FXR2: variants seen among roughly 807,000 people sequenced by gnomAD.
The protein encoded by FXR2 is FMR1 autosomal homolog 2.
Under a neutral mutation model 87.3 loss-of-function variants are expected in FXR2, and 9 were observed. That is an observed-to-expected ratio of 0.10 (90% CI 0.06 to 0.18). The LOEUF (loss-of-function observed/expected upper bound fraction) is 0.18, where lower values mean the gene tolerates loss of function less well. FXR2 is among the 10% of genes least tolerant of loss of function. The pLI, the probability that FXR2 is intolerant of heterozygous loss-of-function variation, is 1.00. For missense variants in FXR2, 661 were observed against 893.6 expected, an observed-to-expected ratio of 0.74 and a Z score of 3.32; for synonymous variants, 331 against 328.3, an observed-to-expected ratio of 1.01 and a Z score of -0.09.
chr17:7,606,046 A>G, intron 2 of FXR2, 51 bp downstream of exon 2: 1 of 1,209,040 alleles, frequency 8.3e-7, no homozygotes, highest in Non-Finnish European at 1.2e-6. Context: ...CCTCTTCTCC[A>G]CTCTCCTTCT....
At chr17:7,613,238 C>T (rs1357429004) in intron 1 of FXR2, among the ~76,000 whole-genome samples, 1 of 151,950 alleles carries the variant, frequency 6.6e-6, no homozygotes, top group Non-Finnish European at 1.5e-5. Context: ...ACAAGTGATG[C>T]CATGGGAAGG....
At chr17:7,608,015 T>C (rs1182615577) in intron 1 of FXR2, among the ~76,000 whole-genome samples, 1 of 151,894 alleles carries the variant, frequency 6.6e-6, no homozygotes, top group Non-Finnish European at 1.5e-5. Context: ...GGTCTCAAAC[T>C]CCCGACCTCT....
chr17:7,605,588 A>G (rs1293115828), intron 3 of FXR2, 57 bp downstream of exon 3: 1 of 893,724 alleles, frequency 1.1e-6, no homozygotes, highest in Non-Finnish European at 1.8e-6. Flanking sequence ...AACCAGAGAA[A>G]AGCCTAGAAT....
intron 1 of FXR2, among the ~76,000 whole-genome samples, chr17:7,611,193 G>A (rs1240551926): frequency 4.6e-5 from 7 of 151,886 alleles, no homozygotes; most frequent in African/African-American, 7.3e-5. Flanking sequence ...CATTTTGTAC[G>A]TCTTAAGCAT....
intron 6 of FXR2, among the ~76,000 whole-genome samples, chr17:7,602,460 C>T (rs2071765777): frequency 1.3e-5 from 2 of 152,016 alleles, no homozygotes; most frequent in Admixed American, 6.6e-5. Flanking sequence ...CCCAGCTACT[C>T]GGGAGGCTGA....
chr17:7,602,859 A>C, intron 6 of FXR2, 50 bp downstream of exon 6: 1 of 892,896 alleles, frequency 1.1e-6, no homozygotes, highest in Admixed American at 2.1e-5. Context: ...AAAGGGAAAA[A>C]GAAAAAATGT....
At position 7,592,122 on chromosome 17, in the gene FXR2, T is replaced by C; in HGVS notation, c.1926+132A>G. 2 of 1,501,560 alleles carry C rather than the reference T, an allele frequency of 1.3e-6. No individual in the cohort carries two copies. Among genetic ancestry groups the C allele is most frequent in the Non-Finnish European group, 1.8e-6 (2 of 1,126,486 alleles). The allele number at this position is 1,501,560 out of a possible 1,614,324, so 93.0% of individuals were successfully genotyped here. ...CTTTCTTCTCTATCCTATTCAAAGTTTACACTGGTCTAAACTCCATCAGAC... is the reference window on the plus strand; with the variant it reads ...CTTTCTTCTCTATCCTATTCAAAGTCTACACTGGTCTAAACTCCATCAGAC... On this transcript the variant is annotated intron_variant, in intron 16 of 16. Transcript: ENST00000250113. This position sits in a 1 kb window ranked among gnomAD's most constrained non-coding sequence, Gnocchi z 4.8.
chr17:7,605,959 C>A, intron 2 of FXR2, 138 bp downstream of exon 2: 1 of 678,614 alleles, frequency 1.5e-6, no homozygotes, highest in Admixed American at 2.6e-5. Context: ...CCTTTCCTCT[C>A]CTGGGATCCA....
In FXR2 at chr17:7,593,520, C is replaced by G. The variant is rs1242676241; in HGVS notation, c.1213G>C (p.Asp405His). 5 of 1,586,072 alleles carry G rather than the reference C, an allele frequency of 3.2e-6. No homozygotes were observed. The highest frequency in any genetic ancestry group is 1.3e-5 in the African/African-American group (1 of 74,432). ...PGSGRGSGGS[D>H]KAGYSTDESS... ...TCATCAGTGCTATATCCAGCCTTGTCGCTGCCACCGCTGCCCCGCCCACTC... is the reference window on the plus strand; with the variant it reads ...TCATCAGTGCTATATCCAGCCTTGTGGCTGCCACCGCTGCCCCGCCCACTC... The change falls in exon 12 of 17, where the codon GAC (aspartate) becomes CAC (histidine). Residue 405 changes from aspartate to histidine, a missense_variant. Asp to His is a moderately conservative substitution (Grantham distance 81, BLOSUM62 -1). Around this residue, in one of 3 missense-constraint regions of FXR2, gnomAD observed 409 missense variants for 432.0 expected, o/e 0.95. Transcript: ENST00000250113. This position sits in a 1 kb window ranked among gnomAD's most constrained non-coding sequence, Gnocchi z 6.1.
rs540391733 is a variant in FXR2, at chr17:7,596,463, C to T, written c.661-469G>A. 1.4e-3 allele frequency: 217 copies of T among 154,088 alleles called. 1 individual carries two copies. Among genetic ancestry groups the T allele is most frequent in the Non-Finnish European group, 1.8e-3 (126 of 69,200 alleles). The allele number at this position is 154,088 out of a possible 1,614,324, so 9.5% of individuals were successfully genotyped here. ...ATAAGCCACCACGCCCGGCCAAGGTCAGGAACTTTTAATTCCACTCCTTCC... is the reference window on the plus strand; with the variant it reads ...ATAAGCCACCACGCCCGGCCAAGGTTAGGAACTTTTAATTCCACTCCTTCC... On this transcript the variant is annotated intron_variant, in intron 7 of 16. Transcript: ENST00000250113.
At position 7,594,019 on chromosome 17, in the gene FXR2, G is replaced by T; in HGVS notation, c.1021-15C>A. The T allele has an allele frequency of 6.6e-7, 1 of 1,513,406 alleles. No individual in the cohort carries two copies. The highest frequency in any genetic ancestry group is 1.1e-5 in the South Asian group (1 of 89,090). 93.7% of individuals were successfully genotyped at this position (1,513,406 alleles called of 1,614,324 possible). ...GGAACCATTCCCTAGAGAACAGAGA[G>T]CAGAAACGATGGATCAGAAAGGAAA... On this transcript the variant is annotated splice_polypyrimidine_tract_variant and intron_variant, in intron 10 of 16. Coordinates refer to ENST00000250113, the MANE Select transcript of FXR2 (RefSeq NM_004860.4). This position sits in a 1 kb window ranked among gnomAD's most constrained non-coding sequence, Gnocchi z 5.1.
intron 1 of FXR2, among the ~76,000 whole-genome samples, chr17:7,610,484 G>A (rs1221429180): frequency 6.6e-6 from 1 of 152,142 alleles, no homozygotes; most frequent in African/African-American, 2.4e-5. Context: ...TTCCAAGGCA[G>A]AAATGCAAAG....
intron 5 of FXR2, 58 bp from the exon 6 acceptor site, chr17:7,603,060 G>T: frequency 1.2e-6 from 1 of 841,956 alleles, no homozygotes; most frequent in South Asian, 1.5e-5. Flanking sequence ...GAAGAGTTCG[G>T]GGGAGGCTGG....
chr17:7,608,261 T>C (rs1206145106), intron 1 of FXR2, among the ~76,000 whole-genome samples: 1 of 151,746 alleles, frequency 6.6e-6, no homozygotes, highest in African/African-American at 2.4e-5. Context: ...AGCCCATTTT[T>C]TACCTAAAGA....
Position 7,591,740 on chromosome 17 carries a change from G to C in FXR2, c.*90C>G. On this transcript the variant is annotated 3_prime_UTR_variant, in exon 17 of 17. Transcript: ENST00000250113. This position sits in a 1 kb window ranked among gnomAD's most constrained non-coding sequence, Gnocchi z 4.0. ...CCACCCCCCTCCCCCCTAGATAAGA[G>C]CAGCTCCAGCGCAGGTCAGTTGGGC... 2 of 776,728 alleles carry C rather than the reference G, an allele frequency of 2.6e-6. No homozygotes were observed. Among genetic ancestry groups the C allele is most frequent in the Non-Finnish European group, 4.6e-6 (2 of 434,936 alleles). The allele number at this position is 776,728 out of a possible 1,614,324, so 48.1% of individuals were successfully genotyped here. A position where few individuals can be genotyped will look rare whatever the true frequency, so the allele number is the denominator to read the frequency against.
chr17:7,593,120 G>C lies in FXR2; in HGVS notation c.1392C>G (p.Asn464Lys). The change falls in exon 13 of 17, where the codon AAC becomes AAG. Residue 464 changes from asparagine to lysine, a missense_variant. Asn to Lys is a moderately conservative substitution (Grantham distance 94, BLOSUM62 0). Coordinates refer to ENST00000250113, the MANE Select transcript of FXR2 (RefSeq NM_004860.4). This position sits in a 1 kb window ranked among gnomAD's most constrained non-coding sequence, Gnocchi z 6.1. ...GATCCCTGTCGCCAGGCCCAGCTCG[G>C]TTGGGCTCCTCTCTCTTCTCTGACT... Reference protein sequence around the residue: ...ETESEKREEPNRAGPGDRDPP... With the variant: ...ETESEKREEPKRAGPGDRDPP... 1 of 1,581,998 alleles carries C rather than the reference G, an allele frequency of 6.3e-7. No individual in the cohort carries two copies. Among genetic ancestry groups the C allele is most frequent in the Admixed American group, 1.9e-5 (1 of 53,228 alleles).
chr17:7,593,714 C>A lies in FXR2; in HGVS notation c.1108-89G>T. On this transcript the variant is annotated intron_variant, in intron 11 of 16. Transcript: ENST00000250113. The surrounding 1 kb of genome is among the most constrained non-coding windows in gnomAD (Gnocchi z 6.1). Reference sequence around the variant, plus strand: ...CTGCACCCTGACTGTCCCTCTATATCTAACCTCTCAGGAATGCAGGGAGAA... The same window carrying A: ...CTGCACCCTGACTGTCCCTCTATATATAACCTCTCAGGAATGCAGGGAGAA... 2.1e-6 allele frequency: 2 copies of A among 964,032 alleles called. No homozygotes were observed. Among genetic ancestry groups the A allele is most frequent in the Non-Finnish European group, 1.6e-6 (1 of 625,484 alleles). The allele number at this position is 964,032 out of a possible 1,614,324, so 59.7% of individuals were successfully genotyped here. A position where few individuals can be genotyped will look rare whatever the true frequency, so the allele number is the denominator to read the frequency against.
intron 1 of FXR2, among the ~76,000 whole-genome samples, chr17:7,607,386 T>C (rs527641020): frequency 1.3e-5 from 2 of 152,236 alleles, no homozygotes; most frequent in East Asian, 1.9e-4. Context: ...TTTTCTCTTA[T>C]GTCTTCTTCT....
At chr17:7,603,476 G>C (rs1235563124) in intron 5 of FXR2, among the ~76,000 whole-genome samples, 1 of 147,764 alleles carries the variant, frequency 6.8e-6, no homozygotes, top group Non-Finnish European at 1.5e-5. Context: ...GCGGTGAGCC[G>C]AGATTGTGCC....
Sources: allele counts gnomAD v4.1 joint callset (sites outside exome capture counted in the v4.1 genomes callset), GRCh38; gene constraint gnomAD v4.1.1; regional missense constraint gnomAD v4.1.1; non-coding constraint Gnocchi (gnomAD v3.1); transcripts MANE v1.5; gene names NCBI Gene and HGNC (gene_info 2026-07-23, HGNC 2026-07-21).